ZBTB7C: variants seen among roughly 807,000 people sequenced by gnomAD.
ZBTB7C encodes zinc finger and BTB domain containing 7C.
ZBTB7C carries 8 observed loss-of-function variants against 25.7 expected under a neutral mutation model. That is an observed-to-expected ratio of 0.31 (90% CI 0.18 to 0.56). The LOEUF (loss-of-function observed/expected upper bound fraction) is 0.56, where lower values mean the gene tolerates loss of function less well. Among genes scored for constraint, ZBTB7C ranks in the 20% least tolerant of loss-of-function variants. The pLI, the probability that ZBTB7C is intolerant of heterozygous loss-of-function variation, is 0.91. For synonymous variants in ZBTB7C, 394 were observed against 369.0 expected (o/e 1.07, Z -0.78); for missense variants, 824 against 855.2 (o/e 0.96, Z 0.46).
intron 3 of ZBTB7C, among the ~76,000 whole-genome samples, chr18:48,092,257 T>C (rs1396818830): frequency 6.6e-6 from 1 of 152,200 alleles, no homozygotes; most frequent in East Asian, 1.9e-4. Context: ...CTTAACACGT[T>C]GTGAACCCTG....
chr18:48,064,388 T>G (rs554782704), intron 3 of ZBTB7C, among the ~76,000 whole-genome samples: 107 of 152,356 alleles, frequency 7.0e-4, no homozygotes, highest in Middle Eastern at 6.8e-3. Context: ...TCTTGGAAGA[T>G]ACAGGGTACC....
At chr18:48,248,322 A>C (rs1230824450) in intron 2 of ZBTB7C, among the ~76,000 whole-genome samples, 2 of 152,198 alleles carry the variant, frequency 1.3e-5, no homozygotes, top group Non-Finnish European at 2.9e-5. Context: ...ACCCAGTCTC[A>C]GACAGTTCTT....
rs1434190770 is a variant in ZBTB7C, at chr18:48,029,484, C to T, written c.1636G>A (p.Glu546Lys). The T allele has an allele frequency of 1.3e-6, 2 of 1,596,012 alleles. No homozygotes were observed. Among genetic ancestry groups the T allele is most frequent in the Non-Finnish European group, 1.7e-6 (2 of 1,175,570 alleles). ...AAPKGALSLQELERQFEETQM... is the reference protein window; with the variant it reads ...AAPKGALSLQKLERQFEETQM... ...GTCTCCTCGAACTGCCGCTCCAGCT[C>T]TTGCAGGCTCAGGGCGCCCTTGGGC... Residue 546 changes from glutamate to lysine, a missense_variant, in exon 5 of 5, where the codon GAG becomes AAG. Physicochemically the swap from Glu to Lys is moderately conservative, Grantham distance 56 (BLOSUM62 1). This residue lies in a region of ZBTB7C where 342 missense variants were observed against 307.0 expected (regional missense o/e 1.11). Transcript: ENST00000590800.
intron 3 of ZBTB7C, among the ~76,000 whole-genome samples, chr18:48,175,526 T>C (rs939623699): frequency 6.6e-6 from 1 of 152,192 alleles, no homozygotes; most frequent in African/African-American, 2.4e-5. Context: ...TATGGGTGAA[T>C]AGTACATGGA....
At chr18:48,076,096 G>A (rs963891759) in intron 3 of ZBTB7C, among the ~76,000 whole-genome samples, 3 of 152,230 alleles carry the variant, frequency 2.0e-5, no homozygotes, top group African/African-American at 7.2e-5. Flanking sequence ...CTCTGGGCAA[G>A]GTGCTGCAAG....
intron 3 of ZBTB7C, among the ~76,000 whole-genome samples, chr18:48,094,189 C>T (rs8085622): frequency 0.016 from 2,370 of 152,302 alleles, 56 homozygotes; most frequent in African/African-American, 0.054. Context: ...TGGTACTGAC[C>T]TGATGGGTAA....
intron 2 of ZBTB7C, among the ~76,000 whole-genome samples, chr18:48,208,238 C>T (rs1367116802): frequency 6.6e-6 from 1 of 151,872 alleles, no homozygotes; most frequent in Non-Finnish European, 1.5e-5. Context: ...GAATCTTTAC[C>T]AGCACCTAGT....
rs1159348575 is a variant in ZBTB7C at position 48,409,295 on chromosome 18, G to C, written c.-373C>G. On this transcript the variant is annotated 5_prime_UTR_variant, in exon 1 of 5. Transcript: ENST00000590800. ...GGACGCAGTCCTGGCGTCCTCCTTC[G>C]CCGCCGGTGTCCGCCGGTCCCTGCG... is the stretch of plus-strand genomic sequence containing the variant. The C allele has an allele frequency of 1.3e-5, 2 of 149,246 alleles. No homozygotes were observed. The highest frequency in any genetic ancestry group is 1.3e-4 in the Admixed American group (2 of 15,044). 9.2% of individuals were successfully genotyped at this position (149,246 alleles called of 1,614,324 possible).
At chr18:48,290,763 T>C (rs937911832) in intron 2 of ZBTB7C, among the ~76,000 whole-genome samples, 2 of 152,202 alleles carry the variant, frequency 1.3e-5, no homozygotes, top group Admixed American at 1.3e-4. Context: ...CCTCCCACTA[T>C]GCTTAGGTGG....
At chr18:48,262,785 T>A (rs1179811229) in intron 2 of ZBTB7C, among the ~76,000 whole-genome samples, 2 of 152,114 alleles carry the variant, frequency 1.3e-5, no homozygotes, top group Non-Finnish European at 2.9e-5. Flanking sequence ...TGTGGCCAGA[T>A]GGGGCAGTTT....
At chr18:48,226,949 G>A (rs1295688153) in intron 2 of ZBTB7C, among the ~76,000 whole-genome samples, 3 of 150,210 alleles carry the variant, frequency 2.0e-5, no homozygotes, top group African/African-American at 7.4e-5. Context: ...GAACCTGGGA[G>A]GTGGAGGTTG....
chr18:48,272,063 T>A (rs2044507274), intron 2 of ZBTB7C, among the ~76,000 whole-genome samples: 1 of 152,210 alleles, frequency 6.6e-6, no homozygotes, highest in Non-Finnish European at 1.5e-5. Context: ...TCATGATGGT[T>A]AATTTTTTTA....
chr18:48,303,850 T>C (rs2045601419), intron 2 of ZBTB7C, among the ~76,000 whole-genome samples: 3 of 152,230 alleles, frequency 2.0e-5, no homozygotes, highest in Admixed American at 2.0e-4. Flanking sequence ...TCTCACTTCT[T>C]GCAAAGTCAA....
chr18:48,066,078 C>G (rs1044184562), intron 3 of ZBTB7C, among the ~76,000 whole-genome samples: 3 of 152,246 alleles, frequency 2.0e-5, no homozygotes, highest in Non-Finnish European at 4.4e-5. Context: ...GGTATCTGCT[C>G]TCTCCTTCAT....
At chr18:48,247,819 T>C (rs1215656226) in intron 2 of ZBTB7C, among the ~76,000 whole-genome samples, 1 of 152,204 alleles carries the variant, frequency 6.6e-6, no homozygotes, top group African/African-American at 2.4e-5. Flanking sequence ...AAGTGTTTGA[T>C]AGTTCCTCCT....
intron 2 of ZBTB7C, among the ~76,000 whole-genome samples, chr18:48,301,601 T>C (rs2144742924): frequency 6.6e-6 from 1 of 152,266 alleles, no homozygotes; most frequent in South Asian, 2.1e-4. Context: ...GAGAGTGGCA[T>C]TGTCACTAGC....
rs1401476181 is a variant in ZBTB7C, at chr18:48,040,251, T to G, written c.857A>C (p.Asn286Thr). The change falls in exon 4 of 5, where the codon AAT becomes ACT. Residue 286 changes from asparagine (N) to threonine (T), a missense_variant. By Grantham distance (65) the Asn-to-Thr change is moderately conservative. Transcript: ENST00000590800. ...DSGPLDLVIK[N>T]RKIKEEEKEE... ...CTTCTCCTCCTCCTTGATCTTCCGA[T>G]TCTTGATGACCAGATCCAGTGGCCC... is the stretch of plus-strand genomic sequence containing the variant. The G allele has an allele frequency of 1.9e-6, 3 of 1,561,976 alleles. No individual in the cohort carries two copies.
At chr18:48,165,183 C>G (rs538934447) in intron 3 of ZBTB7C, 2 of 1,252,810 alleles carry the variant, frequency 1.6e-6, no homozygotes, top group South Asian at 2.5e-5. Flanking sequence ...GGGGAGGGTT[C>G]TTGTCCAAGG....
chr18:48,235,162 T>G (rs1313853633), intron 2 of ZBTB7C, among the ~76,000 whole-genome samples: 3 of 152,220 alleles, frequency 2.0e-5, no homozygotes, highest in African/African-American at 2.4e-5. Flanking sequence ...CTATTTATAT[T>G]TATTGTAATG....
Sources: allele counts gnomAD v4.1 joint callset (sites outside exome capture counted in the v4.1 genomes callset), GRCh38; gene constraint gnomAD v4.1.1; regional missense constraint gnomAD v4.1.1; transcripts MANE v1.5; gene names NCBI Gene and HGNC (gene_info 2026-07-23, HGNC 2026-07-21).